The following MMAB variants were observed in gnomAD, a reference collection of about 807,000 sequenced individuals.
MMAB encodes metabolism of cobalamin associated B.
A neutral mutation model predicts 30.6 loss-of-function variants in MMAB; 17 were observed. The observed-to-expected ratio is 0.56, with a 90% CI of 0.38 to 0.83. The LOEUF (loss-of-function observed/expected upper bound fraction) is 0.83. Among genes scored for constraint, MMAB ranks in the 40% least tolerant of loss-of-function variants. The pLI, the probability that MMAB is intolerant of heterozygous loss-of-function variation, is 0.00. For missense variants in MMAB, 311 were observed against 331.6 expected (o/e 0.94, Z 0.48); for synonymous variants, 134 against 138.6 (o/e 0.97, Z 0.23).
chr12:109,573,190 C>CGCCCACGTG (rs1229514300), intron 1 of MMAB, 157 bp downstream of exon 1: 2 of 916,234 alleles, frequency 2.2e-6, no homozygotes, highest in Non-Finnish European at 1.7e-6. Context: ...TGGTCTCTGG[C>CGCCCACGTG]GCCCACGTGG....
rs148666800 is a variant in MMAB, at chr12:109,569,007, G to A, written c.197-144C>T. ...GTCATCCAGGCTGGAGTACAGCGGC[G>A]TGATCTTGGCTCACTGCAGCCTCCC... On this transcript the variant is annotated intron_variant, in intron 2 of 8. Transcript: ENST00000545712. The surrounding 1 kb of genome is among the most constrained non-coding windows in gnomAD (Gnocchi z 4.1). The A allele has an allele frequency of 6.3e-3, 4,396 of 699,186 alleles. 21 individuals are homozygous for A. The highest frequency in any genetic ancestry group is 8.8e-3 in the Non-Finnish European group (3,511 of 396,748). 43.3% of individuals were successfully genotyped at this position (699,186 alleles called of 1,614,324 possible).
rs779644733 is a variant in MMAB, at chr12:109,554,363, C to G, written c.*2665G>C. 2 of 453,972 alleles carry G rather than the reference C, an allele frequency of 4.4e-6. No homozygotes were observed. Among genetic ancestry groups the G allele is most frequent in the Non-Finnish European group, 8.8e-6 (2 of 226,792 alleles). The allele number at this position is 453,972 out of a possible 1,614,324, so 28.1% of individuals were successfully genotyped here. ...TGCCAGCTTGTCTCTGGAAATGACA[C>G]TAAACACCCCATTCCAGGGAGCCTG... On this transcript the variant is annotated 3_prime_UTR_variant, in exon 9 of 9. Coordinates refer to ENST00000545712, the MANE Select transcript of MMAB (RefSeq NM_052845.4).
Position 109,555,649 on chromosome 12 carries a change from C to T in MMAB, c.*1379G>A. ...GGGGCAGGGAGGCACGGAACAAAGC[C>T]ACCTCCTGGAAGGCATTCACACACT... On this transcript the variant is annotated 3_prime_UTR_variant, in exon 9 of 9. Transcript: ENST00000545712. The T allele has an allele frequency of 2.2e-6, 1 of 450,834 alleles. No homozygotes were observed. The allele number at this position is 450,834 out of a possible 1,614,324, so 27.9% of individuals were successfully genotyped here.
At chr12:109,566,987 C>T (rs960551090) in intron 3 of MMAB, 2 of 456,094 alleles carry the variant, frequency 4.4e-6, no homozygotes, top group Non-Finnish European at 8.8e-6. Context: ...CTGTACCTCC[C>T]ATTATCTGTC....
At position 109,558,540 on chromosome 12, in the gene MMAB, C is replaced by T. The variant is rs1884065721; in HGVS notation, c.644+556G>A. Among the ~76,000 whole-genome samples the T allele has an allele frequency of 6.6e-6, 1 of 152,166 alleles. No individual in the cohort carries two copies. The highest frequency in any genetic ancestry group is 2.4e-5 in the African/African-American group (1 of 41,452). The stretch of plus-strand genomic sequence containing the variant: ...AAGCCAGGGCTGGGGCAGGAACCCG[C>T]AGAGCAGGCTTTGGGCCAGGTGTGG... On this transcript the variant is annotated intron_variant, in intron 8 of 8. Coordinates refer to ENST00000545712, the MANE Select transcript of MMAB (RefSeq NM_052845.4). This position sits in a 1 kb window ranked among gnomAD's most constrained non-coding sequence, Gnocchi z 4.3.
chr12:109,562,186 A>G (rs12370596), intron 4 of MMAB, among the ~76,000 whole-genome samples: 7,730 of 152,230 alleles, frequency 0.051, 272 homozygotes, highest in South Asian at 0.11. Context: ...TCTCTCTCCT[A>G]TCAGCCATGT....
At chr12:109,566,994 T>G (rs1884453399) in intron 3 of MMAB, 1 of 455,958 alleles carries the variant, frequency 2.2e-6, no homozygotes, top group Non-Finnish European at 4.4e-6. Context: ...TCCCATTATC[T>G]GTCCCGAAAA....
intron 3 of MMAB, among the ~76,000 whole-genome samples, chr12:109,566,066 C>G (rs1884412482): frequency 6.6e-6 from 1 of 152,162 alleles, no homozygotes; most frequent in African/African-American, 2.4e-5. Context: ...GAAGGTACAA[C>G]TCACCCTGGA....
intron 3 of MMAB, chr12:109,567,155 C>T (rs874170): frequency 0.53 from 200,900 of 377,014 alleles, 55,624 homozygotes; most frequent in African/African-American, 0.74. Flanking sequence ...GGGCAACAAG[C>T]GCGAAACTCC....
chr12:109,570,873 CA>C (rs111235348), intron 2 of MMAB, among the ~76,000 whole-genome samples: 3,308 of 92,336 alleles, frequency 0.036, 120 homozygotes, highest in African/African-American at 0.11. Flanking sequence ...AACCCTGTAT[CA>C]AAAAAAAAAA....
In MMAB at chr12:109,561,217, C is replaced by T. The variant is rs760892461; in HGVS notation, c.520-113G>A. On this transcript the variant is annotated intron_variant, in intron 6 of 8. Transcript: ENST00000545712. This position sits in a 1 kb window ranked among gnomAD's most constrained non-coding sequence, Gnocchi z 5.3. ...CCCAAACCGGGCAGTGTTCTGCCTCCAGGAGCCCTGCCACGGCACACCCAC... is the reference window on the plus strand; with the variant it reads ...CCCAAACCGGGCAGTGTTCTGCCTCTAGGAGCCCTGCCACGGCACACCCAC... 2.5e-6 allele frequency: 4 copies of T among 1,595,994 alleles called. No homozygotes were observed. The South Asian group carries it at 3.3e-5, about 13-fold the overall frequency.
rs1223024793 is a variant in MMAB at position 109,561,982 on chromosome 12, T to C, written c.349-130A>G. On this transcript the variant is annotated intron_variant, in intron 4 of 8. Transcript: ENST00000545712. The surrounding 1 kb of genome is among the most constrained non-coding windows in gnomAD (Gnocchi z 5.3). ...AGCTCATGAAGGGCTGTGATATGGT[T>C]TGGCAATGTGTCCCCATCCAAATCT... The C allele has an allele frequency of 2.6e-6, 2 of 779,072 alleles. No individual in the cohort carries two copies. Among genetic ancestry groups the C allele is most frequent in the African/African-American group, 3.4e-5 (2 of 58,468 alleles). The allele number at this position is 779,072 out of a possible 1,614,324, so 48.3% of individuals were successfully genotyped here. A position where few individuals can be genotyped will look rare whatever the true frequency, so the allele number is the denominator to read the frequency against.
rs73414071 is a variant in MMAB, at chr12:109,553,850, G to T, written c.*3178C>A. 9.7e-3 allele frequency: 4,402 copies of T among 454,080 alleles called. 146 individuals are homozygous for T. The highest frequency in any genetic ancestry group is 0.079 in the African/African-American group (3,938 of 50,122). 28.1% of individuals were successfully genotyped at this position (454,080 alleles called of 1,614,324 possible). ...ATAAAACTGAATGGGCTGTCGGAAGGTGTCGAGGCAGCAGCAAGGGTGACA... is the reference window on the plus strand; with the variant it reads ...ATAAAACTGAATGGGCTGTCGGAAGTTGTCGAGGCAGCAGCAAGGGTGACA... On this transcript the variant is annotated 3_prime_UTR_variant, in exon 9 of 9. Coordinates refer to ENST00000545712, the MANE Select transcript of MMAB (RefSeq NM_052845.4).
intron 2 of MMAB, chr12:109,570,069 C>T (rs1385984176): frequency 3.3e-6 from 1 of 307,060 alleles, no homozygotes; most frequent in Non-Finnish European, 6.6e-6. Context: ...CGAGACTAGC[C>T]TGGCCAACAT....
Position 109,555,472 on chromosome 12 carries a change from T to G in MMAB, c.*1556A>C. 2.7e-6 allele frequency: 1 copy of G among 376,378 alleles called. No individual in the cohort carries two copies. 23.3% of individuals were successfully genotyped at this position (376,378 alleles called of 1,614,324 possible). A position where few individuals can be genotyped will look rare whatever the true frequency, so the allele number is the denominator to read the frequency against. On this transcript the variant is annotated 3_prime_UTR_variant, in exon 9 of 9. Coordinates refer to ENST00000545712, the MANE Select transcript of MMAB (RefSeq NM_052845.4). ...TAATTTTTTTTTTTTTTTTTTTTTT[T>G]TAGCAGAAATGGGGTTTTACCATGT...
At chr12:109,565,344 C>A (rs530662808) in intron 3 of MMAB, among the ~76,000 whole-genome samples, 168 bp from the exon 4 acceptor site, 1 of 152,216 alleles carries the variant, frequency 6.6e-6, no homozygotes, top group African/African-American at 2.4e-5. Flanking sequence ...CATTTGGGGG[C>A]GGTGGTATTT....
rs910323193 is a variant in MMAB, at chr12:109,554,082, G to A, written c.*2946C>T. 1 of 454,162 alleles carries A rather than the reference G, an allele frequency of 2.2e-6. No individual in the cohort carries two copies. The highest frequency in any genetic ancestry group is 2.0e-5 in the African/African-American group (1 of 50,138). 28.1% of individuals were successfully genotyped at this position (454,162 alleles called of 1,614,324 possible). ...AGCCCAGGTAGTGATTAAAACGACT[G>A]TCAAGCGGCAGTGGGTGGGAGCTGA... On this transcript the variant is annotated 3_prime_UTR_variant, in exon 9 of 9. Coordinates refer to ENST00000545712, the MANE Select transcript of MMAB (RefSeq NM_052845.4).
rs1463851604 is a variant in MMAB at position 109,573,254 on chromosome 12, C to T, written c.134+93G>A. 7 of 1,545,936 alleles carry T rather than the reference C, an allele frequency of 4.5e-6. No homozygotes were observed. The African/African-American group carries it at 9.5e-5, about 21-fold the overall frequency. On this transcript the variant is annotated intron_variant, in intron 1 of 8. Transcript: ENST00000545712. ...GCGTGGAGACGTCACCTGACGGTTG[C>T]CGCGGTGACCTCACGGCGGTGTGAC...
chr12:109,560,334 TA>T (rs1884148730), intron 7 of MMAB, among the ~76,000 whole-genome samples: 1 of 152,108 alleles, frequency 6.6e-6, no homozygotes. Context: ...CTGACTCCTG[TA>T]AAACAGAGGC....
Sources: gnomAD v4.1 joint callset for allele counts (sites outside exome capture counted in the v4.1 genomes callset) on GRCh38, gnomAD v4.1.1 for gene constraint, Gnocchi (gnomAD v3.1) non-coding constraint, MANE v1.5 for transcripts, NCBI Gene and HGNC (gene_info 2026-07-23, HGNC 2026-07-21) for gene names.